Variants in PHACTR2 observed in about 807,000 individuals in gnomAD.
PHACTR2 encodes the protein chromosome 6 open reading frame 56.
Under a neutral mutation model 76.0 loss-of-function variants are expected in PHACTR2, and 30 were observed. The ratio of observed to expected loss-of-function variants is 0.39; its 90% CI spans 0.30 to 0.54. The LOEUF is 0.54. Ranked by LOEUF, PHACTR2 falls within the 20% of genes least tolerant of loss-of-function variation. The probability of loss-of-function intolerance (pLI) is 0.61; values close to 1 mark genes in which losing one functional copy is unlikely to be tolerated. For synonymous variants in PHACTR2, 292 were observed against 292.5 expected (o/e 1.00, Z 0.02); for missense variants, 696 against 781.1 (o/e 0.89, Z 1.30).
chr6:143,620,294 A>G (rs571802989), intron 1 of PHACTR2, among the ~76,000 whole-genome samples: 1 of 152,260 alleles, frequency 6.6e-6, no homozygotes, highest in East Asian at 1.9e-4. Context: ...CTTTGTCTTT[A>G]GCTGTCTCAG....
chr6:143,773,935 TCTC>T, intron 7 of PHACTR2, 121 bp from the exon 8 acceptor site: 1 of 646,458 alleles, frequency 1.5e-6, no homozygotes, highest in Non-Finnish European at 2.6e-6. Context: ...TAATTAAGAT[TCTC>T]CTCCTGCATG....
rs1163284582 is a variant in PHACTR2 at position 143,754,341 on chromosome 6, A to G, written c.454+429A>G. Reference sequence around the variant, plus strand: ...ACCCACATGGCTTGTTCAGCCCAGCACTGTCTCCAGCAGTGGGAACTTGGC... The same window carrying G: ...ACCCACATGGCTTGTTCAGCCCAGCGCTGTCTCCAGCAGTGGGAACTTGGC... On this transcript the variant is annotated intron_variant, in intron 4 of 12. Coordinates refer to ENST00000440869, the MANE Select transcript of PHACTR2 (RefSeq NM_001100164.2). The surrounding 1 kb of genome is among the most constrained non-coding windows in gnomAD (Gnocchi z 6.2). Among the ~76,000 whole-genome samples the G allele has an allele frequency of 6.6e-6, 1 of 152,172 alleles. No individual in the cohort carries two copies. Among genetic ancestry groups the G allele is most frequent in the Admixed American group, 6.5e-5 (1 of 15,282 alleles).
At chr6:143,586,590 C>G (rs1422026825) in intron 1 of PHACTR2, among the ~76,000 whole-genome samples, 1 of 152,194 alleles carries the variant, frequency 6.6e-6, no homozygotes, top group Non-Finnish European at 1.5e-5. Context: ...GCAGGCTACC[C>G]AGTAGGCAAA....
chr6:143,607,578 T>C (rs935954637), upstream of PHACTR2, among the ~76,000 whole-genome samples: 3 of 152,264 alleles, frequency 2.0e-5, no homozygotes, highest in African/African-American at 7.2e-5. Context: ...TGAAAATATT[T>C]GAATTTCTCT....
intron 2 of PHACTR2, among the ~76,000 whole-genome samples, chr6:143,741,773 C>T (rs924720241): frequency 6.6e-6 from 1 of 152,084 alleles, no homozygotes; most frequent in African/African-American, 2.4e-5. Flanking sequence ...CCTAGAGAAT[C>T]TGTGGTGACT....
At chr6:143,590,335 G>A (rs1459135213) in intron 1 of PHACTR2, among the ~76,000 whole-genome samples, 1 of 152,072 alleles carries the variant, frequency 6.6e-6, no homozygotes, top group African/African-American at 2.4e-5. Context: ...AGTGTTTCAT[G>A]CAAGGCCTAA....
chr6:143,537,848 G>A lies in PHACTR2; in HGVS notation c.217+641G>A, dbSNP rs1781132598. On this transcript the variant is annotated intron_variant, in intron 1 of 11. Coordinates refer to the PHACTR2 transcript ENST00000367584. The surrounding 1 kb of genome is among the most constrained non-coding windows in gnomAD (Gnocchi z 4.4). ...CGGCCAGGAGCGGTGGCTCACGCCT[G>A]TAATTCCAGAGCTTTGGGAGGCCCA... is the stretch of plus-strand genomic sequence containing the variant. Among the ~76,000 whole-genome samples the A allele has an allele frequency of 6.6e-6, 1 of 152,178 alleles. No individual in the cohort carries two copies. The highest frequency in any genetic ancestry group is 2.4e-5 in the African/African-American group (1 of 41,442).
At chr6:143,703,338 C>A (rs1777960731) in intron 1 of PHACTR2, among the ~76,000 whole-genome samples, 1 of 152,038 alleles carries the variant, frequency 6.6e-6, no homozygotes, top group African/African-American at 2.4e-5. Flanking sequence ...AGTGCAATAT[C>A]ATTTACATTC....
At chr6:143,575,610 TAATAGC>T (rs1013841739) in intron 1 of PHACTR2, among the ~76,000 whole-genome samples, 1 of 152,248 alleles carries the variant, frequency 6.6e-6, no homozygotes, top group Non-Finnish European at 1.5e-5. Flanking sequence ...TGTTGGTGCT[TAATAGC>T]TTCCATTGAA....
In PHACTR2 at chr6:143,692,833, G is replaced by T. The variant is rs191622942; in HGVS notation, c.46+14624G>T. Among the ~76,000 whole-genome samples the T allele has an allele frequency of 9.2e-5, 14 of 152,266 alleles. No homozygotes were observed. In the Middle Eastern group the frequency reaches 0.01, roughly 111 times the overall value. ...AATAGTAAATGTCTGTACAGTATTC[G>T]TCTGCTAAGGCTGTCGTAACACCAT... is the stretch of plus-strand genomic sequence containing the variant. On this transcript the variant is annotated intron_variant, in intron 1 of 12. Coordinates refer to ENST00000440869, the MANE Select transcript of PHACTR2 (RefSeq NM_001100164.2).
rs933748565 is a variant in PHACTR2, at chr6:143,683,131, G to A, written c.46+4922G>A. On this transcript the variant is annotated intron_variant, in intron 1 of 12. Transcript: ENST00000440869. The surrounding 1 kb of genome is among the most constrained non-coding windows in gnomAD (Gnocchi z 4.1). ...ATTGGATCCATTATTTCTAAGTACA[G>A]GCTAAAACGATATGCCCTCAAATAG... is the stretch of plus-strand genomic sequence containing the variant. Among the ~76,000 whole-genome samples, 2 of 152,178 alleles carry A rather than the reference G, an allele frequency of 1.3e-5. No individual in the cohort carries two copies. The highest frequency in any genetic ancestry group is 4.8e-5 in the African/African-American group (2 of 41,428).
At chr6:143,736,728 C>CATG in intron 2 of PHACTR2, among the ~76,000 whole-genome samples, 1 of 151,678 alleles carries the variant, frequency 6.6e-6, no homozygotes, top group African/African-American at 2.4e-5. Flanking sequence ...CACCCGCCAC[C>CATG]ATGCCCGGCT....
rs1775566693 is a variant in PHACTR2, at chr6:143,581,064, GA to G, written c.217+43861del. Reference sequence around the variant, plus strand: ...CTTTAAATGTCTAGCCAACATTTTGGAAAAGTGTGGGAAATCCCTCAGGGCC... The same window carrying G: ...CTTTAAATGTCTAGCCAACATTTTGGAAAGTGTGGGAAATCCCTCAGGGCC... On this transcript the variant is annotated intron_variant, in intron 1 of 11. Coordinates refer to the PHACTR2 transcript ENST00000367584. This position sits in a 1 kb window ranked among gnomAD's most constrained non-coding sequence, Gnocchi z 4.5. Among the ~76,000 whole-genome samples, 1 of 152,194 alleles carries G rather than the reference GA, an allele frequency of 6.6e-6. No individual in the cohort carries two copies. Among genetic ancestry groups the G allele is most frequent in the African/African-American group, 2.4e-5 (1 of 41,436 alleles).
intron 11 of PHACTR2, among the ~76,000 whole-genome samples, chr6:143,802,476 C>G (rs1006481371): frequency 2.2e-5 from 3 of 137,410 alleles, no homozygotes; most frequent in African/African-American, 7.8e-5. Context: ...CTCATCTCCA[C>G]AAATTTTTTT....
At chr6:143,601,700 T>G (rs1775816131) in intron 1 of PHACTR2, among the ~76,000 whole-genome samples, 1 of 152,242 alleles carries the variant, frequency 6.6e-6, no homozygotes, top group African/African-American at 2.4e-5. Flanking sequence ...AAGTGCCATC[T>G]GTGTGGACTC....
Position 143,547,706 on chromosome 6 carries a change from C to T in PHACTR2, c.217+10499C>T, listed in dbSNP as rs1775027931. Among the ~76,000 whole-genome samples the T allele has an allele frequency of 6.6e-6, 1 of 152,170 alleles. No homozygotes were observed. Among genetic ancestry groups the T allele is most frequent in the Non-Finnish European group, 1.5e-5 (1 of 68,024 alleles). ...AATGAAGGAAAAGGGGTTTGTTTGT[C>T]TATTTGTTAACAAGAGCAGCCATTA... On this transcript the variant is annotated intron_variant, in intron 1 of 11. Transcript: ENST00000367584. This position sits in a 1 kb window ranked among gnomAD's most constrained non-coding sequence, Gnocchi z 4.2.
At chr6:143,665,600 T>C (rs2128449345) in intron 1 of PHACTR2, among the ~76,000 whole-genome samples, 1 of 152,340 alleles carries the variant, frequency 6.6e-6, no homozygotes, top group South Asian at 2.1e-4. Flanking sequence ...ATTCAATCCA[T>C]AGGGAATATT....
Position 143,578,709 on chromosome 6 carries a change from G to T in PHACTR2, c.217+41502G>T, listed in dbSNP as rs1375864636. Among the ~76,000 whole-genome samples, 2 of 152,044 alleles carry T rather than the reference G, an allele frequency of 1.3e-5. No individual in the cohort carries two copies. The highest frequency in any genetic ancestry group is 2.9e-5 in the Non-Finnish European group (2 of 67,998). On this transcript the variant is annotated intron_variant, in intron 1 of 11. Coordinates refer to the PHACTR2 transcript ENST00000367584. The surrounding 1 kb of genome is among the most constrained non-coding windows in gnomAD (Gnocchi z 4.5). ...GAGTGCAGAAGAGGAGGATGAAGAC[G>T]ATTATAACAATGGAGAGGTAGATGA...
At position 143,636,955 on chromosome 6, in the gene PHACTR2, G is replaced by T. The variant is rs146293383; in HGVS notation, c.13+28633G>T. On this transcript the variant is annotated intron_variant, in intron 1 of 11. Transcript: ENST00000305766. Reference sequence around the variant, plus strand: ...TAGATCTTCCCTCTGCCATCTCCTGGCCATCAGCCCTTGGGCACATGGCCA... The same window carrying T: ...TAGATCTTCCCTCTGCCATCTCCTGTCCATCAGCCCTTGGGCACATGGCCA... Among the ~76,000 whole-genome samples, 20 of 152,264 alleles carry T rather than the reference G, an allele frequency of 1.3e-4. No homozygotes were observed. In the East Asian group the frequency reaches 3.9e-3, roughly 29 times the overall value.
Sources: gnomAD v4.1 joint callset for allele counts (sites outside exome capture counted in the v4.1 genomes callset) on GRCh38, gnomAD v4.1.1 for gene constraint, Gnocchi (gnomAD v3.1) non-coding constraint, MANE v1.5 for transcripts, NCBI Gene and HGNC (gene_info 2026-07-23, HGNC 2026-07-21) for gene names.